BLTP3B: variants seen among roughly 807,000 people sequenced by gnomAD.
BLTP3B encodes the protein bridge-like lipid transfer protein family member 3B, also known as UHRF1 (ICBP90) binding protein 1-like.
the BLTP3B span, among the ~76,000 whole-genome samples, chr12:100,117,860 T>C: frequency 2.0e-5 from 3 of 152,194 alleles, no homozygotes; most frequent in African/African-American, 4.8e-5. Context: ...TCTGGTGCTC[T>C]TGATATGGAG....
the BLTP3B span, among the ~76,000 whole-genome samples, chr12:100,135,281 C>CTTTTTTTT: frequency 2.6e-3 from 372 of 141,226 alleles, 14 homozygotes; most frequent in African/African-American, 9.2e-3. Flanking sequence ...TTCTTTCTTT[C>CTTTTTTTT]TTTTTTTTTT....
At chr12:100,064,269 C>T in the BLTP3B span, among the ~76,000 whole-genome samples, 5 of 152,114 alleles carry the variant, frequency 3.3e-5, no homozygotes, top group Non-Finnish European at 7.4e-5. Flanking sequence ...TGAACAAAGC[C>T]TCCAAGAAGT....
the BLTP3B span, chr12:100,142,490 C>G: frequency 2.3e-6 from 3 of 1,330,934 alleles, no homozygotes; most frequent in East Asian, 5.4e-5. Flanking sequence ...AAGGTCGCCT[C>G]CCGCACAGCC....
the BLTP3B span, chr12:100,084,390 AC>A: frequency 1.8e-6 from 1 of 569,978 alleles, no homozygotes; most frequent in South Asian, 3.2e-5. Context: ...ACACACACAC[AC>A]ACACACACAC....
chr12:100,097,308 A>G, the BLTP3B span: 117 of 1,536,746 alleles, frequency 7.6e-5, no homozygotes, highest in Non-Finnish European at 9.5e-5. Context: ...CACACAAATC[A>G]AAAAGTCAAA....
chr12:100,087,596 A>C, the BLTP3B span, among the ~76,000 whole-genome samples: 1 of 152,248 alleles, frequency 6.6e-6, no homozygotes, highest in African/African-American at 2.4e-5. Context: ...AAATATTTAT[A>C]GGAAGCAGGC....
At chr12:100,050,965 C>T in the BLTP3B span, 3 of 1,385,918 alleles carry the variant, frequency 2.2e-6, no homozygotes, top group East Asian at 2.5e-5. Context: ...AATTGAATTG[C>T]CCACCATCTA....
At chr12:100,064,280 C>G in the BLTP3B span, among the ~76,000 whole-genome samples, 1 of 152,094 alleles carries the variant, frequency 6.6e-6, no homozygotes, top group Non-Finnish European at 1.5e-5. Flanking sequence ...TCCAAGAAGT[C>G]TGGGATTATG....
chr12:100,094,438 A>C, the BLTP3B span, among the ~76,000 whole-genome samples: 2 of 152,068 alleles, frequency 1.3e-5, no homozygotes, highest in East Asian at 1.9e-4. Flanking sequence ...TATTTGACTC[A>C]CCATTATTCT....
chr12:100,059,648 C>CTTTCCTATTAAGTAGTAAAACTTAA, the BLTP3B span: 1 of 1,248,370 alleles, frequency 8.0e-7, no homozygotes, highest in African/African-American at 1.5e-5. Flanking sequence ...CAAAATACTA[C>CTTTCCTATTAAGTAGTAAAACTTAA]TTTCCTATTA....
At chr12:100,078,068 G>T in the BLTP3B span, among the ~76,000 whole-genome samples, 7 of 152,198 alleles carry the variant, frequency 4.6e-5, no homozygotes, top group African/African-American at 1.7e-4. Flanking sequence ...GATATAGTTT[G>T]GATATTGTCC....
the BLTP3B span, among the ~76,000 whole-genome samples, chr12:100,128,266 C>G: frequency 1.3e-5 from 2 of 152,052 alleles, no homozygotes; most frequent in Non-Finnish European, 2.9e-5. Context: ...CTACTATTTC[C>G]AAACAGCTGG....
the BLTP3B span, among the ~76,000 whole-genome samples, chr12:100,090,221 T>C: frequency 6.6e-6 from 1 of 152,186 alleles, no homozygotes; most frequent in Admixed American, 6.5e-5. Flanking sequence ...TCCTAAAAGA[T>C]GTGGTATGTC....
the BLTP3B span, chr12:100,093,004 T>G: frequency 5.1e-6 from 5 of 977,968 alleles, no homozygotes; most frequent in African/African-American, 8.8e-5. Context: ...TTCCTTATCC[T>G]CAACTTACTT....
the BLTP3B span, chr12:100,057,556 G>T: frequency 3.1e-6 from 5 of 1,594,788 alleles, no homozygotes; most frequent in Admixed American, 3.5e-5. Context: ...TTCTTAAGCC[G>T]TATCATAACT....
chr12:100,085,955 T>C, the BLTP3B span, among the ~76,000 whole-genome samples: 1 of 152,070 alleles, frequency 6.6e-6, no homozygotes, highest in African/African-American at 2.4e-5. Flanking sequence ...ATAACTTGTT[T>C]TGGTCACAAC....
chr12:100,059,430 G>A, the BLTP3B span: 1 of 1,614,012 alleles, frequency 6.2e-7, no homozygotes. Flanking sequence ...TCGACAGTTT[G>A]GACAGTGCCT....
the BLTP3B span, among the ~76,000 whole-genome samples, chr12:100,078,742 T>C: frequency 6.6e-6 from 1 of 152,152 alleles, no homozygotes; most frequent in Non-Finnish European, 1.5e-5. Context: ...TCCAAGACGC[T>C]GTTTTATTAT....
the BLTP3B span, among the ~76,000 whole-genome samples, chr12:100,128,001 A>T: frequency 6.6e-6 from 1 of 152,158 alleles, no homozygotes; most frequent in East Asian, 1.9e-4. Flanking sequence ...CAACAGAGCA[A>T]CACCTTTTCC....
Sources: allele counts gnomAD v4.1 joint callset (sites outside exome capture counted in the v4.1 genomes callset), GRCh38; gene constraint gnomAD v4.1.1; transcripts MANE v1.5; gene names NCBI Gene and HGNC (gene_info 2026-07-23, HGNC 2026-07-21).